The following EVC variants were observed in gnomAD, a reference collection of about 807,000 sequenced individuals.
EVC encodes EvC ciliary complex subunit 1, also known as evC complex member EVC.
A neutral mutation model predicts 118.9 loss-of-function variants in EVC; 116 were observed. That is an observed-to-expected ratio of 0.98 (90% confidence interval 0.84 to 1.14). EVC has a LOEUF of 1.14. Among genes scored for constraint, EVC ranks in the 50% most tolerant of loss-of-function variants. The probability of loss-of-function intolerance (pLI) is 0.00; values close to 1 mark genes in which losing one functional copy is unlikely to be tolerated. For synonymous variants in EVC, 619 were observed against 534.7 expected (o/e 1.16, Z -2.18); for missense variants, 1,401 against 1,246.4 (o/e 1.12, Z -1.87).
chr4:5,766,380 T>C (rs1177824790), intron 11 of EVC, among the ~76,000 whole-genome samples: 1 of 140,000 alleles, frequency 7.1e-6, no homozygotes, highest in Non-Finnish European at 1.5e-5. Flanking sequence ...CAATTATGTG[T>C]CTTGGAGTTG....
intron 11 of EVC, among the ~76,000 whole-genome samples, chr4:5,767,884 T>G (rs939848061): frequency 2.6e-5 from 4 of 152,200 alleles, no homozygotes; most frequent in Non-Finnish European, 4.4e-5. Flanking sequence ...CGCTGGGAGC[T>G]GTAGACCGGA....
In EVC at chr4:5,719,817, A is replaced by T. The variant is rs1040548104; in HGVS notation, c.300+444A>T. ...GTGTATCAATAATTCACCCATTTTT[A>T]TTGCTCAGTGGCAGTCAACTGTGTG... On this transcript the variant is annotated intron_variant, in intron 2 of 20. Transcript: ENST00000264956. The surrounding 1 kb of genome is among the most constrained non-coding windows in gnomAD (Gnocchi z 4.7). 1.3e-5 allele frequency among the ~76,000 whole-genome samples: 2 copies of T among 151,922 alleles called. No individual in the cohort carries two copies. The highest frequency in any genetic ancestry group is 3.2e-3 in the Middle Eastern group (1 of 316).
intron 16 of EVC, among the ~76,000 whole-genome samples, chr4:5,803,469 T>A (rs1445023928): frequency 6.6e-6 from 1 of 152,168 alleles, no homozygotes; most frequent in Non-Finnish European, 1.5e-5. Context: ...CTGCAGAACA[T>A]TCCAGAACTG....
In EVC at chr4:5,794,376, CAT is replaced by C. The variant is rs1158428197; in HGVS notation, c.1886+670_1886+671del. Among the ~76,000 whole-genome samples, 415 of 123,378 alleles carry C rather than the reference CAT, an allele frequency of 3.4e-3. 1 individual carries two copies. Among genetic ancestry groups the C allele is most frequent in the African/African-American group, 9.6e-3 (327 of 34,124 alleles). The allele number at this position is 123,378 out of a possible 152,430, so 80.9% of individuals were successfully genotyped here. ...ATATTTATGTATTTATATTTATATA[CAT>C]ATATATATATTTTTTATATATATAT... On this transcript the variant is annotated intron_variant, in intron 13 of 20. Transcript: ENST00000264956.
the EVC span, chr4:5,824,335 C>T: frequency 3.0e-6 from 3 of 985,294 alleles, no homozygotes; most frequent in East Asian, 1.1e-4. Flanking sequence ...ATATGAAACA[C>T]TGGAAGCTCT....
At chr4:5,793,008 C>T (rs1713078387) in intron 12 of EVC, among the ~76,000 whole-genome samples, 1 of 152,050 alleles carries the variant, frequency 6.6e-6, no homozygotes, top group African/African-American at 2.4e-5. Flanking sequence ...GAGAAAATTC[C>T]AAAGAGTCTT....
chr4:5,740,395 C>T (rs990324490), intron 5 of EVC, among the ~76,000 whole-genome samples: 55 of 150,052 alleles, frequency 3.7e-4, no homozygotes, highest in African/African-American at 1.1e-3. Context: ...CGCTTGAACC[C>T]GGGAGGTGAA....
intron 11 of EVC, among the ~76,000 whole-genome samples, chr4:5,780,595 T>C (rs577245863): frequency 2.0e-4 from 31 of 152,370 alleles, no homozygotes; most frequent in African/African-American, 6.0e-4. Context: ...TGTCATTTTC[T>C]GGGGACTCTG....
At position 5,731,133 on chromosome 4, in the gene EVC, A is replaced by G. The variant is rs895782583; in HGVS notation, c.385-292A>G. Among the ~76,000 whole-genome samples, 3 of 151,430 alleles carry G rather than the reference A, an allele frequency of 2.0e-5. No homozygotes were observed. The highest frequency in any genetic ancestry group is 7.3e-5 in the African/African-American group (3 of 41,168). Reference sequence around the variant, plus strand: ...TAGGTCAGAGTTGGCAGCTGGGAGGAGGGTGCGCTGGGTGTCCGGGGCACA... The same window carrying G: ...TAGGTCAGAGTTGGCAGCTGGGAGGGGGGTGCGCTGGGTGTCCGGGGCACA... On this transcript the variant is annotated intron_variant, in intron 3 of 20. Transcript: ENST00000264956. The surrounding 1 kb of genome is among the most constrained non-coding windows in gnomAD (Gnocchi z 5.6).
chr4:5,725,762 T>C (rs1725710234), intron 2 of EVC, among the ~76,000 whole-genome samples: 1 of 152,246 alleles, frequency 6.6e-6, no homozygotes, highest in Non-Finnish European at 1.5e-5. Context: ...CGGTTGTTTT[T>C]GGCATTTTTG....
chr4:5,826,097 CAGGTAT>C, the EVC span: 3 of 234,792 alleles, frequency 1.3e-5, no homozygotes, highest in Admixed American at 1.3e-4. Flanking sequence ...CACACTCATA[CAGGTAT>C]ACACACCCAT....
At chr4:5,773,021 T>C (rs1336030428) in intron 11 of EVC, among the ~76,000 whole-genome samples, 1 of 152,148 alleles carries the variant, frequency 6.6e-6, no homozygotes, top group Non-Finnish European at 1.5e-5. Flanking sequence ...ATGTGTGCAC[T>C]GTCCCCTGTT....
intron 17 of EVC, among the ~76,000 whole-genome samples, 179 bp downstream of exon 17, chr4:5,805,020 G>A (rs746995858): frequency 6.6e-6 from 1 of 152,186 alleles, no homozygotes; most frequent in Non-Finnish European, 1.5e-5. Context: ...CACCTGGAGT[G>A]GCACCTGGCA....
At chr4:5,751,605 G>A (rs1730378686) in intron 8 of EVC, among the ~76,000 whole-genome samples, 1 of 152,240 alleles carries the variant, frequency 6.6e-6, no homozygotes, top group Non-Finnish European at 1.5e-5. Flanking sequence ...CGCACAGTGT[G>A]GCCATGGCTG....
At position 5,789,293 on chromosome 4, in the gene EVC, C is replaced by T. The variant is rs1401484239; in HGVS notation, c.1777-4315C>T. 2.6e-5 allele frequency among the ~76,000 whole-genome samples: 4 copies of T among 152,120 alleles called. No homozygotes were observed. Among genetic ancestry groups the T allele is most frequent in the Non-Finnish European group, 2.9e-5 (2 of 68,036 alleles). ...TGTCAGGCCCTGGCTGCCCTCTGAC[C>T]GCAACTGCATGCTGCCCCCAGCCCC... On this transcript the variant is annotated intron_variant, in intron 12 of 20. Transcript: ENST00000264956. The surrounding 1 kb of genome is among the most constrained non-coding windows in gnomAD (Gnocchi z 4.3).
chr4:5,802,392 A>T (rs1202430097), intron 16 of EVC, among the ~76,000 whole-genome samples: 2 of 152,170 alleles, frequency 1.3e-5, no homozygotes, highest in East Asian at 3.9e-4. Flanking sequence ...AGCAGTCCCC[A>T]GCCTTTTCAG....
rs143971158 is a variant in EVC at position 5,756,327 on chromosome 4, G to C, written c.1528G>C (p.Val510Leu). 8 of 1,612,342 alleles carry C rather than the reference G, an allele frequency of 5.0e-6. No homozygotes were observed. Among genetic ancestry groups the C allele is most frequent in the Non-Finnish European group, 5.9e-6 (7 of 1,179,588 alleles). The change falls in exon 11 of 21, where the codon GTC becomes CTC. Residue 510 changes from valine to leucine, a missense_variant. Val to Leu is a conservative substitution (Grantham distance 32, BLOSUM62 1). Coordinates refer to ENST00000264956, the MANE Select transcript of EVC (RefSeq NM_153717.3). This position sits in a 1 kb window ranked among gnomAD's most constrained non-coding sequence, Gnocchi z 4.2. ...MQCDLEEEEN[V>L]RATEAVVALC... The stretch of plus-strand genomic sequence containing the variant: ...GTGTGACCTGGAGGAAGAGGAGAAT[G>C]TCAGAGCCACCGAGGCTGTGGTTGC...
intron 5 of EVC, among the ~76,000 whole-genome samples, chr4:5,733,856 G>C (rs28624687): frequency 0.21 from 32,116 of 152,154 alleles, 3,557 homozygotes; most frequent in Non-Finnish European, 0.23. Flanking sequence ...GCACAACCCA[G>C]AGGGGCGGGT....
intron 2 of EVC, among the ~76,000 whole-genome samples, chr4:5,727,169 C>A (rs1725988422): frequency 6.6e-6 from 1 of 151,776 alleles, no homozygotes; most frequent in African/African-American, 2.4e-5. Context: ...AATGGTTGAA[C>A]TAGTTTACAG....
Sources: allele counts gnomAD v4.1 joint callset (sites outside exome capture counted in the v4.1 genomes callset), GRCh38; gene constraint gnomAD v4.1.1; non-coding constraint Gnocchi (gnomAD v3.1); transcripts MANE v1.5; gene names NCBI Gene and HGNC (gene_info 2026-07-23, HGNC 2026-07-21).